TCF25: variants seen among roughly 807,000 people sequenced by gnomAD.
The protein encoded by TCF25 is TCF25 ribosome quality control complex subunit.
In TCF25, 41 loss-of-function variants were observed where a neutral mutation model predicts 83.1. The observed-to-expected ratio is 0.49, with a 90% confidence interval of 0.38 to 0.64. TCF25 has a LOEUF of 0.64. Among genes scored for constraint, TCF25 ranks in the 30% least tolerant of loss-of-function variants. The pLI is 0.00. For missense variants in TCF25, 979 were observed against 914.5 expected (o/e 1.07, Z -0.91); for synonymous variants, 458 against 365.0 (o/e 1.25, Z -2.90).
chr16:89,881,007 T>C (rs1022697931), intron 1 of TCF25, among the ~76,000 whole-genome samples: 11 of 152,156 alleles, frequency 7.2e-5, no homozygotes, highest in Admixed American at 6.6e-4. Context: ...TGGTGGAGTG[T>C]CAGTGTTTTC....
Position 89,873,820 on chromosome 16 carries a change from A to C in TCF25, c.153A>C (p.Ala51=). 6.5e-7 allele frequency: 1 copy of C among 1,527,018 alleles called. No individual in the cohort carries two copies. Among genetic ancestry groups the C allele is most frequent in the Non-Finnish European group, 8.8e-7 (1 of 1,134,016 alleles). The allele number at this position is 1,527,018 out of a possible 1,614,324, so 94.6% of individuals were successfully genotyped here. ...TTGGTGTCCGGCGTCCCGGGGGCGC[A>C]GGGAAGGAGGGCGTCCGAGTCAACA... ...RELGVRRPGG[A]GKEGVRVNNR... The change falls in exon 1 of 18, where the codon GCA becomes GCC. Residue 51 remains alanine (A), a synonymous_variant. Transcript: ENST00000263346.
intron 8 of TCF25, 30 bp downstream of exon 8, chr16:89,895,167 C>A: frequency 6.3e-7 from 1 of 1,592,934 alleles, no homozygotes. Flanking sequence ...CCATTCCCCT[C>A]AGCTGTGGGA....
chr16:89,881,204 C>T (rs1049309782), intron 1 of TCF25, among the ~76,000 whole-genome samples: 1 of 152,170 alleles, frequency 6.6e-6, no homozygotes, highest in East Asian at 1.9e-4. Flanking sequence ...GTGCTTTCTT[C>T]TCTTCAGCAA....
chr16:89,895,499 C>T (rs1428496916), intron 8 of TCF25, among the ~76,000 whole-genome samples: 2 of 152,232 alleles, frequency 1.3e-5, no homozygotes, highest in African/African-American at 4.8e-5. Context: ...AGCCACCACG[C>T]CCCGCCCTCT....
At chr16:89,903,957 C>T (rs1217309112) in intron 12 of TCF25, among the ~76,000 whole-genome samples, 161 bp from the exon 13 acceptor site, 1 of 152,198 alleles carries the variant, frequency 6.6e-6, no homozygotes, top group South Asian at 2.1e-4. Flanking sequence ...AGCAGCAACT[C>T]AGAATACCAC....
At position 89,907,287 on chromosome 16, in the gene TCF25, T is replaced by C; in HGVS notation, c.1764T>C (p.Pro588=). 1 of 1,605,272 alleles carries C rather than the reference T, an allele frequency of 6.2e-7. No individual in the cohort carries two copies. Among genetic ancestry groups the C allele is most frequent in the Non-Finnish European group, 8.5e-7 (1 of 1,175,890 alleles). The stretch of plus-strand genomic sequence containing the variant: ...TGATGGGGTTTGATCCTCTGCCTCC[T>C]TCGGACACAATCTACTCCTACGTCA... The part of the protein sequence containing the change: ...QSVMGFDPLP[P]SDTIYSYVRP... Residue 588 remains proline (P), a synonymous_variant, in exon 16 of 18, where the codon CCT becomes CCC. Transcript: ENST00000263346.
intron 2 of TCF25, 38 bp downstream of exon 2, chr16:89,883,550 G>A (rs572723619): frequency 1.9e-6 from 3 of 1,554,550 alleles, no homozygotes; most frequent in East Asian, 2.4e-5. Context: ...CATCAGACGG[G>A]AGAGTTCCAA....
At chr16:89,877,221 G>A (rs6500461) in intron 1 of TCF25, among the ~76,000 whole-genome samples, 87,276 of 151,900 alleles carry the variant, frequency 0.57, 28,600 homozygotes, top group East Asian at 0.89. Flanking sequence ...TTGGTTTTTT[G>A]GAGACAGAGT....
At chr16:89,878,186 G>A (rs572110601) in intron 1 of TCF25, among the ~76,000 whole-genome samples, 63 of 152,134 alleles carry the variant, frequency 4.1e-4, no homozygotes, top group Non-Finnish European at 6.0e-4. Flanking sequence ...AGGCTGAGAC[G>A]GGAGGATGGC....
At position 89,873,727 on chromosome 16, in the gene TCF25, G is replaced by A. The variant is rs755378511; in HGVS notation, c.60G>A (p.Gly20=). The change falls in exon 1 of 18, where the codon GGG becomes GGA. Residue 20 remains glycine, a synonymous_variant. Coordinates refer to ENST00000263346, the MANE Select transcript of TCF25 (RefSeq NM_014972.3). Reference sequence around the variant, plus strand: ...AACAGCGCGGCCAGGAGCCCCTCGGGCCCGGCGCCTTGCATTTCGATCTCC... The same window carrying A: ...AACAGCGCGGCCAGGAGCCCCTCGGACCCGGCGCCTTGCATTTCGATCTCC... The part of the protein sequence containing the change: ...RGEQRGQEPL[G]PGALHFDLRD... 1.2e-6 allele frequency: 2 copies of A among 1,611,490 alleles called. No individual in the cohort carries two copies. The highest frequency in any genetic ancestry group is 1.7e-6 in the Non-Finnish European group (2 of 1,179,438).
intron 9 of TCF25, among the ~76,000 whole-genome samples, chr16:89,896,327 T>C (rs2144150989): frequency 6.6e-6 from 1 of 152,282 alleles, no homozygotes; most frequent in South Asian, 2.1e-4. Context: ...GGAGGTCTGC[T>C]GAGCCCAGGA....
intron 13 of TCF25, chr16:89,904,660 C>G (rs1202267583): frequency 1.7e-6 from 1 of 572,192 alleles, no homozygotes; most frequent in South Asian, 1.8e-5. Context: ...CAGGGCTCGC[C>G]CTGTGTGCAC....
At chr16:89,905,154 A>G (rs1221142088) in intron 14 of TCF25, 58 bp downstream of exon 14, 5 of 1,489,548 alleles carry the variant, frequency 3.4e-6, no homozygotes, top group Non-Finnish European at 4.5e-6. Flanking sequence ...CCCTCATCCC[A>G]GACACGGGGG....
intron 1 of TCF25, among the ~76,000 whole-genome samples, chr16:89,882,273 G>A (rs1212029252): frequency 1.3e-5 from 2 of 152,212 alleles, no homozygotes; most frequent in African/African-American, 4.8e-5. Context: ...GGTGGCTCAC[G>A]CCTGTAACTC....
At chr16:89,893,498 C>T (rs1187881935) in intron 6 of TCF25, among the ~76,000 whole-genome samples, 2 of 152,206 alleles carry the variant, frequency 1.3e-5, no homozygotes, top group Admixed American at 6.5e-5. Flanking sequence ...GAGGCAAACA[C>T]GTCTTGATAG....
intron 1 of TCF25, among the ~76,000 whole-genome samples, chr16:89,880,792 G>T (rs2042549107): frequency 6.6e-6 from 1 of 152,130 alleles, no homozygotes; most frequent in Non-Finnish European, 1.5e-5. Flanking sequence ...TGTTGGAGAT[G>T]GTGTAGATCC....
At chr16:89,874,896 G>A (rs1220239267) in intron 1 of TCF25, 1 of 152,010 alleles carries the variant, frequency 6.6e-6, no homozygotes, top group Non-Finnish European at 1.5e-5. Flanking sequence ...CTACAGGCGT[G>A]AGTCACCATG....
Position 89,896,066 on chromosome 16 carries a change from C to A in TCF25, c.1005C>A (p.Tyr335Ter). ...CCAGTGGGGCCTGCCGGCTGGATTA[C>A]CGCAGACCCGAGAACAGGTGAGTGC... ...SLTSGACRLD[Y>*]RRPENRSFYL... The change falls in exon 9 of 18, where the codon TAC becomes TAA. Residue 335 changes from tyrosine (Y) to a stop codon, truncating the protein, a stop_gained. Coordinates refer to ENST00000263346, the MANE Select transcript of TCF25 (RefSeq NM_014972.3). LOFTEE classifies it high-confidence loss of function. 1 of 1,613,700 alleles carries A rather than the reference C, an allele frequency of 6.2e-7. No homozygotes were observed. Among genetic ancestry groups the A allele is most frequent in the Non-Finnish European group, 8.5e-7 (1 of 1,179,956 alleles).
At chr16:89,888,979 G>A (rs1051854114) in intron 5 of TCF25, among the ~76,000 whole-genome samples, 9 of 150,924 alleles carry the variant, frequency 6.0e-5, no homozygotes, top group Admixed American at 2.0e-4. Context: ...GAGCCATGGC[G>A]CCCGGCCCAG....
Sources: allele counts gnomAD v4.1 joint callset (sites outside exome capture counted in the v4.1 genomes callset), GRCh38; gene constraint gnomAD v4.1.1; transcripts MANE v1.5; gene names NCBI Gene and HGNC (gene_info 2026-07-23, HGNC 2026-07-21).